Variants in NPEPPS observed in about 807,000 individuals in gnomAD.
The protein encoded by NPEPPS is puromycin-sensitive aminopeptidase.
Under a neutral mutation model 115.5 loss-of-function variants are expected in NPEPPS, and 14 were observed. The ratio of observed to expected loss-of-function variants is 0.12; its 90% CI spans 0.08 to 0.19. The LOEUF (loss-of-function observed/expected upper bound fraction) is 0.19, where lower values mean the gene tolerates loss of function less well. Ranked by LOEUF, NPEPPS falls within the 10% of genes least tolerant of loss-of-function variation. NPEPPS has a pLI of 1.00. For missense variants in NPEPPS, 523 were observed against 1,110.8 expected (o/e 0.47, Z 7.52); for synonymous variants, 285 against 390.6 (o/e 0.73, Z 3.19).
chr17:47,556,040 T>G (rs1909998259), intron 2 of NPEPPS, among the ~76,000 whole-genome samples: 1 of 140,616 alleles, frequency 7.1e-6, no homozygotes, highest in Admixed American at 7.1e-5. Context: ...CTTGGCTCAC[T>G]ACAACCTCTG....
At chr17:47,530,713 G>C (rs1363528907), upstream of NPEPPS, among the ~76,000 whole-genome samples, 2 of 152,164 alleles carry the variant, frequency 1.3e-5, no homozygotes, top group Non-Finnish European at 1.5e-5. Flanking sequence ...TACTTAACAG[G>C]AACTAAGGCC....
intron 2 of NPEPPS, among the ~76,000 whole-genome samples, chr17:47,568,835 A>G (rs1911003555): frequency 6.6e-6 from 1 of 151,590 alleles, no homozygotes; most frequent in Admixed American, 6.6e-5. Context: ...TTGTATTTTT[A>G]GTAGAGACGG....
intron 12 of NPEPPS, 199 bp from the exon 13 acceptor site, chr17:47,596,154 A>G: frequency 2.2e-6 from 1 of 448,340 alleles, no homozygotes; most frequent in Non-Finnish European, 4.1e-6. Flanking sequence ...CCGTATCTCA[A>G]AAAATACCAG....
intron 1 of NPEPPS, among the ~76,000 whole-genome samples, chr17:47,544,979 A>T (rs1456633243): frequency 6.7e-6 from 1 of 149,494 alleles, no homozygotes; most frequent in East Asian, 2.0e-4. Flanking sequence ...TGCCAAGATT[A>T]CAGGTGTGAG....
chr17:47,607,179 G>A (rs1223590404), intron 17 of NPEPPS, among the ~76,000 whole-genome samples: 1 of 151,908 alleles, frequency 6.6e-6, no homozygotes, highest in Non-Finnish European at 1.5e-5. Context: ...GTGACAGGGC[G>A]AGACTCCATC....
chr17:47,605,683 C>T (rs1296204827), intron 17 of NPEPPS, 131 bp downstream of exon 17: 14 of 653,134 alleles, frequency 2.1e-5, no homozygotes, highest in Admixed American at 1.5e-4. Flanking sequence ...GAAATTAAGA[C>T]GTGAGTCTTT....
intron 2 of NPEPPS, among the ~76,000 whole-genome samples, chr17:47,560,601 G>C (rs1239705914): frequency 6.6e-6 from 1 of 152,110 alleles, no homozygotes; most frequent in East Asian, 1.9e-4. Flanking sequence ...TAAGTTCCTG[G>C]TTCCATTTTT....
chr17:47,527,742 AG>A (rs1299663464), upstream of NPEPPS, among the ~76,000 whole-genome samples: 14 of 151,868 alleles, frequency 9.2e-5, no homozygotes, highest in Non-Finnish European at 1.9e-4. Flanking sequence ...AAGAAAAAAA[AG>A]AAAAAATAAA....
At chr17:47,525,716 C>A (rs1907403798) in intron 1 of NPEPPS, among the ~76,000 whole-genome samples, 3 of 152,114 alleles carry the variant, frequency 2.0e-5, no homozygotes, top group African/African-American at 7.2e-5. Flanking sequence ...CACGTAGTTT[C>A]TCTATGGGGC....
chr17:47,601,514 G>T, intron 14 of NPEPPS, 94 bp from the exon 15 acceptor site: 1 of 1,348,174 alleles, frequency 7.4e-7, no homozygotes, highest in Non-Finnish European at 1.0e-6. Flanking sequence ...TTAACAGTTT[G>T]GCTTAGGCTC....
chr17:47,550,351 G>A (rs191915555), intron 2 of NPEPPS, among the ~76,000 whole-genome samples: 228 of 142,544 alleles, frequency 1.6e-3, no homozygotes, highest in African/African-American at 5.6e-3. Context: ...TTTTTGAGAT[G>A]GAGTCTTGCT....
chr17:47,530,178 T>C (rs1450044430), upstream of NPEPPS, among the ~76,000 whole-genome samples: 2 of 145,138 alleles, frequency 1.4e-5, no homozygotes, highest in African/African-American at 2.5e-5. Flanking sequence ...CTCCTAACCT[T>C]GTGATCCGCC....
At chr17:47,575,620 T>A (rs1283701755) in intron 3 of NPEPPS, among the ~76,000 whole-genome samples, 3 of 131,604 alleles carry the variant, frequency 2.3e-5, no homozygotes, top group Non-Finnish European at 3.2e-5. Context: ...TATTATTATT[T>A]TTGAGATGGA....
At chr17:47,552,368 G>A (rs1212161826) in intron 2 of NPEPPS, among the ~76,000 whole-genome samples, 1 of 152,178 alleles carries the variant, frequency 6.6e-6, no homozygotes, top group Non-Finnish European at 1.5e-5. Flanking sequence ...TCAAACTGGA[G>A]CCAAATAAAG....
chr17:47,546,919 A>G (rs1909258072), intron 2 of NPEPPS, among the ~76,000 whole-genome samples: 1 of 152,210 alleles, frequency 6.6e-6, no homozygotes, highest in African/African-American at 2.4e-5. Context: ...TAAAATGAAT[A>G]TAATATGCAT....
At chr17:47,532,077 G>C (rs1261470155) in intron 1 of NPEPPS, among the ~76,000 whole-genome samples, 1 of 152,082 alleles carries the variant, frequency 6.6e-6, no homozygotes, top group Non-Finnish European at 1.5e-5. Context: ...GACGAGGGGA[G>C]CTTCTAGAAG....
chr17:47,571,309 T>C (rs977045050), intron 3 of NPEPPS, among the ~76,000 whole-genome samples: 1 of 152,170 alleles, frequency 6.6e-6, no homozygotes, highest in African/African-American at 2.4e-5. Flanking sequence ...ATTTTCACAA[T>C]TTTCCTACTG....
At chr17:47,615,262 G>T (rs1368778750) in intron 19 of NPEPPS, among the ~76,000 whole-genome samples, 2 of 152,040 alleles carry the variant, frequency 1.3e-5, no homozygotes, top group Non-Finnish European at 2.9e-5. Context: ...ATTTTCAGTA[G>T]AGACGGGGTT....
intron 2 of NPEPPS, among the ~76,000 whole-genome samples, chr17:47,556,218 C>T (rs565089496): frequency 6.6e-6 from 1 of 150,860 alleles, no homozygotes; most frequent in Non-Finnish European, 1.5e-5. Context: ...GCAGAGGACC[C>T]TGCGGCCTTT....
Sources: allele counts gnomAD v4.1 joint callset (sites outside exome capture counted in the v4.1 genomes callset), GRCh38; gene constraint gnomAD v4.1.1; transcripts MANE v1.5; gene names NCBI Gene and HGNC (gene_info 2026-07-23, HGNC 2026-07-21).